SLC38A6: variants seen among roughly 807,000 people sequenced by gnomAD.
SLC38A6 encodes N system amino acid transporter NAT-1.
A neutral mutation model predicts 65.0 loss-of-function variants in SLC38A6; 73 were observed. That is an observed-to-expected ratio of 1.12 (90% CI 0.93 to 1.37). The LOEUF (loss-of-function observed/expected upper bound fraction) is 1.37, where lower values mean the gene tolerates loss of function less well. Ranked by LOEUF, SLC38A6 falls within the 40% of genes most tolerant of loss-of-function variation. The pLI, the probability that SLC38A6 is intolerant of heterozygous loss-of-function variation, is 0.00. For missense variants in SLC38A6, 561 were observed against 531.1 expected, an observed-to-expected ratio of 1.06 and a Z score of -0.55; for synonymous variants, 183 against 178.8, an observed-to-expected ratio of 1.02 and a Z score of -0.19.
chr14:61,032,484 CTCAT>C (rs2041063676), intron 6 of SLC38A6, among the ~76,000 whole-genome samples: 1 of 151,672 alleles, frequency 6.6e-6, no homozygotes, highest in South Asian at 2.1e-4. Context: ...GAACTTCCAT[CTCAT>C]TCATATTAAT....
intron 10 of SLC38A6, among the ~76,000 whole-genome samples, chr14:61,043,971 A>C (rs2041976000): frequency 6.6e-6 from 1 of 152,100 alleles, no homozygotes; most frequent in African/African-American, 2.4e-5. Flanking sequence ...CGACATTCCA[A>C]AGTTGAAATT....
At chr14:61,053,201 A>G (rs748871083), downstream of SLC38A6, among the ~76,000 whole-genome samples, 1 of 152,158 alleles carries the variant, frequency 6.6e-6, no homozygotes, top group Non-Finnish European at 1.5e-5. Flanking sequence ...TGCAAAAGAC[A>G]TGATCTTATT....
chr14:61,035,061 G>A (rs1301011969), intron 6 of SLC38A6, among the ~76,000 whole-genome samples: 3 of 152,140 alleles, frequency 2.0e-5, no homozygotes, highest in African/African-American at 4.8e-5. Context: ...AAGAGGATGC[G>A]TTATTGCAAA....
At chr14:61,003,096 C>T (rs1416462900) in intron 3 of SLC38A6, among the ~76,000 whole-genome samples, 1 of 151,908 alleles carries the variant, frequency 6.6e-6, no homozygotes, top group Non-Finnish European at 1.5e-5. Flanking sequence ...AAAATTACAC[C>T]TTAAATAAAA....
chr14:61,080,301 G>T (rs565215414), intron 16 of SLC38A6, among the ~76,000 whole-genome samples: 1 of 152,068 alleles, frequency 6.6e-6, no homozygotes, highest in Non-Finnish European at 1.5e-5. Flanking sequence ...TAGAGCTGGC[G>T]TGTTATGTGA....
chr14:61,016,035 A>T, intron 4 of SLC38A6, 79 bp downstream of exon 4: 2 of 1,073,106 alleles, frequency 1.9e-6, no homozygotes, highest in Non-Finnish European at 2.7e-6. Context: ...AGAGACAAGT[A>T]TATACAAGAG....
chr14:61,016,977 A>AAT (rs1189304616), intron 4 of SLC38A6, among the ~76,000 whole-genome samples: 3 of 152,200 alleles, frequency 2.0e-5, no homozygotes, highest in Non-Finnish European at 4.4e-5. Context: ...GTCTGGAGGA[A>AAT]ATATATATAG....
intron 3 of SLC38A6, among the ~76,000 whole-genome samples, chr14:61,003,043 G>A (rs1278824219): frequency 6.6e-6 from 1 of 151,990 alleles, no homozygotes; most frequent in African/African-American, 2.4e-5. Flanking sequence ...TCTCCTGTTA[G>A]TAGACCAAGT....
chr14:60,986,055 C>G (rs1300869051), intron 3 of SLC38A6, among the ~76,000 whole-genome samples: 1 of 152,250 alleles, frequency 6.6e-6, no homozygotes, highest in Non-Finnish European at 1.5e-5. Flanking sequence ...ACCTCCAACA[C>G]TGGGGATCTG....
downstream of SLC38A6, among the ~76,000 whole-genome samples, chr14:61,054,488 G>A (rs2042639001): frequency 6.6e-6 from 1 of 152,108 alleles, no homozygotes; most frequent in Non-Finnish European, 1.5e-5. Flanking sequence ...TAATGATAAC[G>A]ATTCTTCCTA....
intron 6 of SLC38A6, among the ~76,000 whole-genome samples, chr14:61,032,126 C>T (rs937973208): frequency 3.3e-5 from 5 of 151,826 alleles, no homozygotes; most frequent in African/African-American, 4.8e-5. Context: ...GTGGTGTTTC[C>T]CTTTTTGCCC....
At position 61,014,655 on chromosome 14, in the gene SLC38A6, A is replaced by T. The variant is rs117101667; in HGVS notation, c.311-1249A>T. 3.3e-3 allele frequency among the ~76,000 whole-genome samples: 508 copies of T among 152,168 alleles called. 13 individuals carry two copies. In the East Asian group the frequency reaches 0.08, roughly 24 times the overall value. ...GGAGTTTACTGGAAGTCCACTCCAGACCCTTTTTGTCTGGGTATCAGCAGC... is the reference window on the plus strand; with the variant it reads ...GGAGTTTACTGGAAGTCCACTCCAGTCCCTTTTTGTCTGGGTATCAGCAGC... On this transcript the variant is annotated intron_variant, in intron 3 of 15. Coordinates refer to ENST00000267488, the MANE Select transcript of SLC38A6 (RefSeq NM_153811.3).
intron 3 of SLC38A6, among the ~76,000 whole-genome samples, chr14:61,000,327 A>G (rs553297216): frequency 6.6e-6 from 1 of 152,240 alleles, no homozygotes; most frequent in Non-Finnish European, 1.5e-5. Flanking sequence ...TGTGTAGTCA[A>G]ACGTATCTTT....
chr14:61,007,138 G>A (rs112568838), intron 3 of SLC38A6, among the ~76,000 whole-genome samples: 1,636 of 151,956 alleles, frequency 0.011, 34 homozygotes, highest in African/African-American at 0.037. Flanking sequence ...ACACATGGAC[G>A]CAGGAAGGGG....
At chr14:60,990,490 T>G (rs1014189014) in intron 3 of SLC38A6, among the ~76,000 whole-genome samples, 4 of 152,172 alleles carry the variant, frequency 2.6e-5, no homozygotes, top group African/African-American at 4.8e-5. Context: ...ACTACCAATC[T>G]ACACTTTCTA....
intron 16 of SLC38A6, among the ~76,000 whole-genome samples, chr14:61,079,433 G>A (rs770839683): frequency 2.0e-5 from 3 of 151,830 alleles, no homozygotes; most frequent in Admixed American, 6.6e-5. Context: ...CACTGTGCCC[G>A]GCCTCCTGCC....
At chr14:61,018,353 TG>T (rs943560589) in intron 4 of SLC38A6, among the ~76,000 whole-genome samples, 1 of 152,220 alleles carries the variant, frequency 6.6e-6, no homozygotes, top group African/African-American at 2.4e-5. Flanking sequence ...GAATTTTTTC[TG>T]GAGAGCGTTC....
Position 61,052,412 on chromosome 14 carries a change from G to A in SLC38A6, c.1354G>A (p.Asp452Asn), listed in dbSNP as rs1261374391. The change falls in exon 16 of 16, where the codon GAT (aspartate) becomes AAT (asparagine). Residue 452 changes from aspartate (D) to asparagine (N), a missense_variant. By Grantham distance (23) the Asp-to-Asn change is conservative. Transcript: ENST00000267488. ...TTTTAGTTTAGCACTCATCATTTTTGATTGGATTAATAAATAAAAGAAATA... is the reference window on the plus strand; with the variant it reads ...TTTTAGTTTAGCACTCATCATTTTTAATTGGATTAATAAATAAAAGAAATA... ...GNFSLALIIF[D>N]WINK The A allele has an allele frequency of 6.4e-7, 1 of 1,567,340 alleles. No individual in the cohort carries two copies. The highest frequency in any genetic ancestry group is 8.6e-7 in the Non-Finnish European group (1 of 1,159,914).
intron 3 of SLC38A6, among the ~76,000 whole-genome samples, chr14:61,011,562 C>T (rs1024170461): frequency 1.3e-5 from 2 of 152,104 alleles, no homozygotes; most frequent in African/African-American, 4.8e-5. Flanking sequence ...CCCATCAATA[C>T]CTAATTTATT....
Sources: gnomAD v4.1 joint callset for allele counts (sites outside exome capture counted in the v4.1 genomes callset) on GRCh38, gnomAD v4.1.1 for gene constraint, MANE v1.5 for transcripts, NCBI Gene and HGNC (gene_info 2026-07-23, HGNC 2026-07-21) for gene names.